BABAM2: variants seen among roughly 807,000 people sequenced by gnomAD.
BABAM2 encodes BRISC and BRCA1-A complex member 2.
Under a neutral mutation model 54.7 loss-of-function variants are expected in BABAM2, and 31 were observed. The ratio of observed to expected loss-of-function variants is 0.57; its 90% CI spans 0.43 to 0.77. The LOEUF is 0.77. BABAM2 is among the 30% of genes least tolerant of loss of function. The pLI, the probability that BABAM2 is intolerant of heterozygous loss-of-function variation, is 0.00. For synonymous variants in BABAM2, 167 were observed against 162.9 expected, an observed-to-expected ratio of 1.03 and a Z score of -0.19; for missense variants, 364 against 455.8, an observed-to-expected ratio of 0.80 and a Z score of 1.83.
At chr2:28,068,544 A>G (rs1269903996) in intron 6 of BABAM2, among the ~76,000 whole-genome samples, 4 of 152,190 alleles carry the variant, frequency 2.6e-5, no homozygotes, top group Non-Finnish European at 4.4e-5. Context: ...AAAAACTCTT[A>G]TATTCCATTT....
At chr2:28,149,648 C>G (rs548295498) in intron 7 of BABAM2, among the ~76,000 whole-genome samples, 1 of 152,260 alleles carries the variant, frequency 6.6e-6, no homozygotes, top group South Asian at 2.1e-4. Context: ...CCGTATCACT[C>G]CACACGCCTG....
intron 7 of BABAM2, among the ~76,000 whole-genome samples, chr2:28,175,723 T>G (rs1190925126): frequency 6.6e-6 from 1 of 152,142 alleles, no homozygotes; most frequent in Non-Finnish European, 1.5e-5. Flanking sequence ...TTGTCCACAC[T>G]CCAGCCTACC....
intron 10 of BABAM2, among the ~76,000 whole-genome samples, chr2:28,262,969 T>C (rs1227647224): frequency 1.3e-5 from 2 of 152,128 alleles, no homozygotes; most frequent in East Asian, 1.9e-4. Context: ...CGACCTAGGA[T>C]GTACTGAAAG....
intron 2 of BABAM2, among the ~76,000 whole-genome samples, chr2:27,909,963 G>C (rs59806524): frequency 6.6e-6 from 1 of 152,048 alleles, no homozygotes; most frequent in Non-Finnish European, 1.5e-5. Flanking sequence ...ACGTTTTGTT[G>C]CATATAATCC....
chr2:28,327,144 T>A (rs564907029), intron 11 of BABAM2: 112 of 963,754 alleles, frequency 1.2e-4, no homozygotes, highest in East Asian at 3.0e-4. Flanking sequence ...ACATCTGTGA[T>A]GAACGCCAGA....
chr2:27,948,537 G>A (rs1397235189), intron 3 of BABAM2, among the ~76,000 whole-genome samples: 2 of 152,176 alleles, frequency 1.3e-5, no homozygotes, highest in African/African-American at 2.4e-5. Flanking sequence ...TTGGGAGGCC[G>A]AGGTGGGTGG....
chr2:28,022,453 T>G (rs149376599), intron 4 of BABAM2, among the ~76,000 whole-genome samples: 10 of 152,362 alleles, frequency 6.6e-5, no homozygotes, highest in Non-Finnish European at 1.3e-4. Context: ...TTCCCTGAAC[T>G]GTTTCATAGG....
At chr2:28,022,461 A>G (rs969225463) in intron 4 of BABAM2, among the ~76,000 whole-genome samples, 2 of 152,190 alleles carry the variant, frequency 1.3e-5, no homozygotes, top group African/African-American at 4.8e-5. Flanking sequence ...ACTGTTTCAT[A>G]GGTGTTTTTG....
At chr2:28,030,003 T>C (rs962227046) in intron 5 of BABAM2, among the ~76,000 whole-genome samples, 1 of 152,254 alleles carries the variant, frequency 6.6e-6, no homozygotes. Flanking sequence ...GTGTTGTCTT[T>C]AGTGCTGACA....
intron 2 of BABAM2, among the ~76,000 whole-genome samples, chr2:27,923,134 G>C (rs576111786): frequency 1.3e-5 from 2 of 152,302 alleles, no homozygotes; most frequent in East Asian, 3.9e-4. Context: ...ATAAATGTTA[G>C]AAATGTGAAG....
intron 11 of BABAM2, chr2:28,308,654 C>G: frequency 3.2e-6 from 1 of 317,056 alleles, no homozygotes; most frequent in Non-Finnish European, 6.1e-6. Flanking sequence ...AGCATAGGTC[C>G]TCTGACCCTT....
chr2:28,183,830 T>TG (rs1416849651), intron 7 of BABAM2, among the ~76,000 whole-genome samples: 3 of 151,586 alleles, frequency 2.0e-5, no homozygotes, highest in African/African-American at 7.3e-5. Flanking sequence ...GTTAACCAAA[T>TG]GGTGGTATAC....
At chr2:28,019,005 C>T (rs960964966) in intron 4 of BABAM2, among the ~76,000 whole-genome samples, 1 of 152,132 alleles carries the variant, frequency 6.6e-6, no homozygotes, top group Admixed American at 6.5e-5. Flanking sequence ...CCCCTTACCC[C>T]CCAACCCTTG....
intron 7 of BABAM2, among the ~76,000 whole-genome samples, chr2:28,155,365 G>A (rs1672448557): frequency 6.6e-6 from 1 of 152,100 alleles, no homozygotes; most frequent in Non-Finnish European, 1.5e-5. Context: ...TAAGGTACCA[G>A]GTTAAGAATT....
intron 6 of BABAM2, among the ~76,000 whole-genome samples, chr2:28,054,012 T>C (rs1431467625): frequency 6.6e-6 from 1 of 152,168 alleles, no homozygotes; most frequent in Admixed American, 6.5e-5. Flanking sequence ...TTAAAAAATA[T>C]GAATTTCTAA....
At chr2:28,103,636 T>C (rs1350987390) in intron 6 of BABAM2, among the ~76,000 whole-genome samples, 1 of 152,204 alleles carries the variant, frequency 6.6e-6, no homozygotes, top group Admixed American at 6.5e-5. Flanking sequence ...ATCCCCACTC[T>C]GTTTTTATCG....
At chr2:28,032,896 G>A (rs985887300) in intron 5 of BABAM2, among the ~76,000 whole-genome samples, 4 of 152,056 alleles carry the variant, frequency 2.6e-5, no homozygotes, top group African/African-American at 7.2e-5. Flanking sequence ...GTTTCCCCCA[G>A]TGGTTCGATT....
chr2:27,896,843 T>C (rs1164385913), intron 2 of BABAM2: 1 of 215,042 alleles, frequency 4.7e-6, no homozygotes, highest in Non-Finnish European at 9.7e-6. Flanking sequence ...GGGTCCGCCA[T>C]TGCTTCCCAG....
chr2:27,910,236 A>G (rs1305504814), intron 2 of BABAM2, among the ~76,000 whole-genome samples: 1 of 152,234 alleles, frequency 6.6e-6, no homozygotes, highest in Non-Finnish European at 1.5e-5. Context: ...CACAATAAGT[A>G]TAAAACTGTG....
Sources: allele counts gnomAD v4.1 joint callset (sites outside exome capture counted in the v4.1 genomes callset), GRCh38; gene constraint gnomAD v4.1.1; transcripts MANE v1.5; gene names NCBI Gene and HGNC (gene_info 2026-07-23, HGNC 2026-07-21).